SLC24A3: variants seen among roughly 807,000 people sequenced by gnomAD.
SLC24A3 encodes the protein sodium/potassium/calcium exchanger 3.
In SLC24A3, 28 loss-of-function variants were observed where a neutral mutation model predicts 75.8. The ratio of observed to expected loss-of-function variants is 0.37; its 90% CI spans 0.27 to 0.51. The LOEUF is 0.51. Ranked by LOEUF, SLC24A3 falls within the 20% of genes least tolerant of loss-of-function variation. The pLI, the probability that SLC24A3 is intolerant of heterozygous loss-of-function variation, is 0.94. For synonymous variants in SLC24A3, 372 were observed against 334.1 expected (o/e 1.11, Z -1.24); for missense variants, 663 against 847.8 (o/e 0.78, Z 2.71).
intron 6 of SLC24A3, among the ~76,000 whole-genome samples, chr20:19,609,655 A>G (rs747792643): frequency 1.6e-4 from 24 of 152,174 alleles, no homozygotes; most frequent in Non-Finnish European, 2.9e-4. Flanking sequence ...TTAAGAAAAC[A>G]TTAGGTTCAC....
In SLC24A3 at chr20:19,475,295, C is replaced by T. The variant is rs751350452; in HGVS notation, c.272-40193C>T. Among the ~76,000 whole-genome samples the T allele has an allele frequency of 3.6e-4, 55 of 151,502 alleles. 1 individual carries two copies. The highest frequency in any genetic ancestry group is 7.2e-4 in the Admixed American group (11 of 15,202). ...TGGAGCTTGCAGTGAGCTGAGATCG[C>T]GCCACTACACTCCAGCCTGGGCAAC... is the stretch of plus-strand genomic sequence containing the variant. On this transcript the variant is annotated intron_variant, in intron 2 of 16. Transcript: ENST00000328041.
intron 2 of SLC24A3, among the ~76,000 whole-genome samples, chr20:19,334,367 A>C (rs978479330): frequency 6.8e-6 from 1 of 146,084 alleles, no homozygotes; most frequent in Non-Finnish European, 1.5e-5. Context: ...AGAAATATCA[A>C]CACAGTAAAA....
intron 2 of SLC24A3, among the ~76,000 whole-genome samples, chr20:19,377,402 C>A (rs1394908431): frequency 6.6e-6 from 1 of 152,156 alleles, no homozygotes; most frequent in Non-Finnish European, 1.5e-5. Flanking sequence ...AGCAGCATGA[C>A]TGTGTTACAA....
intron 2 of SLC24A3, among the ~76,000 whole-genome samples, chr20:19,506,249 C>G (rs1988460852): frequency 6.6e-6 from 1 of 152,144 alleles, no homozygotes. Context: ...GTTTTCTTAG[C>G]AAATTTGATT....
chr20:19,575,621 A>C (rs1234224587), intron 3 of SLC24A3, among the ~76,000 whole-genome samples: 2 of 152,210 alleles, frequency 1.3e-5, no homozygotes, highest in Non-Finnish European at 2.9e-5. Context: ...CATCGTTTCC[A>C]GAAGGCACTC....
intron 2 of SLC24A3, among the ~76,000 whole-genome samples, chr20:19,456,429 G>A (rs759650792): frequency 6.6e-6 from 1 of 152,226 alleles, no homozygotes; most frequent in Middle Eastern, 3.4e-3. Flanking sequence ...CTGCTTTTGC[G>A]TGTTCCTCAT....
At chr20:19,497,574 A>ACAT (rs1331755853) in intron 2 of SLC24A3, among the ~76,000 whole-genome samples, 1 of 152,160 alleles carries the variant, frequency 6.6e-6, no homozygotes, top group Non-Finnish European at 1.5e-5. Context: ...GGGTTTGCAC[A>ACAT]TTTTTTCCCC....
intron 1 of SLC24A3, among the ~76,000 whole-genome samples, chr20:19,245,419 C>T (rs757097460): frequency 6.6e-6 from 1 of 152,078 alleles, no homozygotes; most frequent in African/African-American, 2.4e-5. Context: ...AAATCAATGA[C>T]TACATAAGTG....
chr20:19,562,473 C>T (rs1220980593), intron 3 of SLC24A3, among the ~76,000 whole-genome samples: 1 of 152,122 alleles, frequency 6.6e-6, no homozygotes, highest in African/African-American at 2.4e-5. Flanking sequence ...CAGTCAGAGA[C>T]AAAGGAGCCC....
chr20:19,655,312 C>T (rs1002876353), intron 7 of SLC24A3, among the ~76,000 whole-genome samples: 2 of 152,176 alleles, frequency 1.3e-5, no homozygotes, highest in African/African-American at 4.8e-5. Flanking sequence ...GCAAATGCTT[C>T]TATCCCTTGT....
chr20:19,483,635 T>G (rs1441198766), intron 2 of SLC24A3, among the ~76,000 whole-genome samples: 1 of 152,220 alleles, frequency 6.6e-6, no homozygotes, highest in East Asian at 1.9e-4. Flanking sequence ...TCAGGGCAAC[T>G]GTGAACAGGA....
At chr20:19,678,570 C>G (rs2032561289) in intron 9 of SLC24A3, among the ~76,000 whole-genome samples, 2 of 146,604 alleles carry the variant, frequency 1.4e-5, no homozygotes, top group African/African-American at 2.5e-5. Flanking sequence ...GGGCTCCTCA[C>G]TTCCCAGTAG....
intron 15 of SLC24A3, among the ~76,000 whole-genome samples, chr20:19,702,300 G>C (rs1196166020): frequency 6.6e-6 from 1 of 152,166 alleles, no homozygotes; most frequent in African/African-American, 2.4e-5. Flanking sequence ...TACTGACACG[G>C]TGACATCATG....
chr20:19,217,908 C>T (rs1025612387), intron 1 of SLC24A3, among the ~76,000 whole-genome samples: 2 of 152,144 alleles, frequency 1.3e-5, no homozygotes, highest in African/African-American at 4.8e-5. Context: ...TCTCTGAATA[C>T]ACCATATGTT....
At chr20:19,591,497 T>G (rs1400896608) in intron 6 of SLC24A3, among the ~76,000 whole-genome samples, 2 of 152,088 alleles carry the variant, frequency 1.3e-5, no homozygotes, top group African/African-American at 4.8e-5. Context: ...ATACTAGTTT[T>G]TTTTTTTTAA....
At chr20:19,624,833 G>C (rs2031848455) in intron 6 of SLC24A3, among the ~76,000 whole-genome samples, 1 of 152,176 alleles carries the variant, frequency 6.6e-6, no homozygotes, top group Non-Finnish European at 1.5e-5. Context: ...TTGTGGATGA[G>C]TCTACATATT....
chr20:19,485,624 A>G (rs544764990), intron 2 of SLC24A3, among the ~76,000 whole-genome samples: 1 of 152,314 alleles, frequency 6.6e-6, no homozygotes, highest in East Asian at 1.9e-4. Context: ...CATATGTAAT[A>G]TATCTATTCA....
chr20:19,361,640 A>G (rs1985790995), intron 2 of SLC24A3, among the ~76,000 whole-genome samples: 1 of 152,226 alleles, frequency 6.6e-6, no homozygotes, highest in Non-Finnish European at 1.5e-5. Flanking sequence ...TTTGAATTGT[A>G]TCTCAGCAGA....
intron 2 of SLC24A3, among the ~76,000 whole-genome samples, chr20:19,427,250 G>GA (rs1292436354): frequency 6.6e-6 from 1 of 152,092 alleles, no homozygotes; most frequent in Non-Finnish European, 1.5e-5. Flanking sequence ...ACACCGGCAT[G>GA]AAAAAAGCAG....
Sources: allele counts gnomAD v4.1 joint callset (sites outside exome capture counted in the v4.1 genomes callset), GRCh38; gene constraint gnomAD v4.1.1; transcripts MANE v1.5; gene names NCBI Gene and HGNC (gene_info 2026-07-23, HGNC 2026-07-21).